MACROD2: variants seen among roughly 807,000 people sequenced by gnomAD.
The protein encoded by MACROD2 is ADP-ribose glycohydrolase MACROD2.
A neutral mutation model predicts 70.4 loss-of-function variants in MACROD2; 36 were observed. The observed-to-expected ratio is 0.51, with a 90% confidence interval of 0.39 to 0.68. The LOEUF is 0.68. Among genes scored for constraint, MACROD2 ranks in the 30% least tolerant of loss-of-function variants. The probability of loss-of-function intolerance (pLI) is 0.00; values close to 1 mark genes in which losing one functional copy is unlikely to be tolerated. For synonymous variants in MACROD2, 172 were observed against 178.8 expected (o/e 0.96, Z 0.30); for missense variants, 496 against 538.4 (o/e 0.92, Z 0.78).
intron 3 of MACROD2, among the ~76,000 whole-genome samples, chr20:14,269,305 T>C (rs553695060): frequency 7.9e-5 from 12 of 152,330 alleles, no homozygotes; most frequent in Middle Eastern, 3.4e-3. Context: ...AATGTAAGAA[T>C]ATCTCCAATT....
At chr20:15,271,237 T>C (rs1407638956) in intron 6 of MACROD2, among the ~76,000 whole-genome samples, 1 of 152,176 alleles carries the variant, frequency 6.6e-6, no homozygotes, top group Non-Finnish European at 1.5e-5. Context: ...CCCTTGTTCA[T>C]AGAAAGCATC....
At chr20:14,300,626 C>T (rs1408952654) in intron 3 of MACROD2, among the ~76,000 whole-genome samples, 1 of 152,180 alleles carries the variant, frequency 6.6e-6, no homozygotes. Flanking sequence ...CAGAGGTGGT[C>T]ACACCACCTA....
intron 8 of MACROD2, among the ~76,000 whole-genome samples, chr20:15,625,227 C>T (rs116639683): frequency 6.6e-6 from 1 of 152,130 alleles, no homozygotes; most frequent in Admixed American, 6.5e-5. Flanking sequence ...AGAGAAGCAT[C>T]CAAGTGTAGA....
chr20:14,639,676 T>G (rs534205065), intron 4 of MACROD2, among the ~76,000 whole-genome samples: 1 of 152,330 alleles, frequency 6.6e-6, no homozygotes, highest in East Asian at 1.9e-4. Context: ...CTAATTCTCT[T>G]GCAGTTCACA....
At chr20:14,154,356 T>A (rs1161249569) in intron 3 of MACROD2, among the ~76,000 whole-genome samples, 1 of 151,864 alleles carries the variant, frequency 6.6e-6, no homozygotes, top group East Asian at 1.9e-4. Flanking sequence ...CTGGAGTAGG[T>A]TCAGTATGTA....
At chr20:14,473,731 G>A (rs573221297) in intron 3 of MACROD2, among the ~76,000 whole-genome samples, 4 of 152,238 alleles carry the variant, frequency 2.6e-5, no homozygotes, top group South Asian at 2.1e-4. Flanking sequence ...CCATACTGTC[G>A]TCTATGATAG....
At chr20:14,606,965 T>C (rs1982846153) in intron 4 of MACROD2, among the ~76,000 whole-genome samples, 1 of 152,188 alleles carries the variant, frequency 6.6e-6, no homozygotes, top group African/African-American at 2.4e-5. Flanking sequence ...AAGGCACCCA[T>C]AGTCCTACAA....
At chr20:14,604,977 C>T (rs1469395477) in intron 4 of MACROD2, among the ~76,000 whole-genome samples, 1 of 152,182 alleles carries the variant, frequency 6.6e-6, no homozygotes, top group African/African-American at 2.4e-5. Flanking sequence ...AACATGCCTA[C>T]ATCACACTTA....
chr20:14,975,218 G>C (rs2074727824), intron 5 of MACROD2, among the ~76,000 whole-genome samples: 1 of 152,156 alleles, frequency 6.6e-6, no homozygotes, highest in African/African-American at 2.4e-5. Context: ...CCACTGATTA[G>C]AGGCTGGACA....
At chr20:14,179,589 G>A (rs1404327461) in intron 3 of MACROD2, among the ~76,000 whole-genome samples, 2 of 152,096 alleles carry the variant, frequency 1.3e-5, no homozygotes, top group Admixed American at 6.5e-5. Flanking sequence ...GAAACACAAA[G>A]ATGAGTAAGA....
Position 14,085,728 on chromosome 20 carries a change from G to A in MACROD2, c.271G>A (p.Ala91Thr), listed in dbSNP as rs1256648187. 2.7e-6 allele frequency: 4 copies of A among 1,488,964 alleles called. No homozygotes were observed. Among genetic ancestry groups the A allele is most frequent in the South Asian group, 1.5e-5 (1 of 67,466 alleles). 92.2% of individuals were successfully genotyped at this position (1,488,964 alleles called of 1,614,324 possible). Residue 91 changes from alanine (A) to threonine (T), a missense_variant and splice_region_variant, in exon 3 of 18, where the codon GCA becomes ACA. Ala to Thr is a moderately conservative substitution (Grantham distance 58, BLOSUM62 0). Transcript: ENST00000684519. ...AGAGGTAGATGCTATAGTCAATGCC[G>A]GTGAGTAGTTGATTTTCCTGTGATG... ...LLEVDAIVNA[A>T]NASLLGGGGV...
intron 3 of MACROD2, among the ~76,000 whole-genome samples, chr20:14,143,951 A>G (rs1326148400): frequency 6.6e-6 from 1 of 152,184 alleles, no homozygotes; most frequent in African/African-American, 2.4e-5. Flanking sequence ...TAATTAAGGT[A>G]ATCAAGCCTC....
intron 5 of MACROD2, among the ~76,000 whole-genome samples, chr20:14,984,622 T>G (rs1164552346): frequency 6.6e-6 from 1 of 152,058 alleles, no homozygotes; most frequent in African/African-American, 2.4e-5. Flanking sequence ...TAATAAATAG[T>G]AGTAAGTAAT....
At chr20:15,722,154 G>C (rs1194044504) in intron 8 of MACROD2, among the ~76,000 whole-genome samples, 7 of 152,238 alleles carry the variant, frequency 4.6e-5, no homozygotes, top group African/African-American at 1.7e-4. Flanking sequence ...TAGTCATTAA[G>C]GATAATTTCA....
intron 5 of MACROD2, among the ~76,000 whole-genome samples, chr20:15,159,513 C>T (rs1377777440): frequency 6.6e-6 from 1 of 151,982 alleles, no homozygotes; most frequent in Non-Finnish European, 1.5e-5. Flanking sequence ...GGGTAATCCA[C>T]TTTTTTTGGA....
At chr20:14,452,648 G>A (rs1179474747) in intron 3 of MACROD2, among the ~76,000 whole-genome samples, 1 of 152,126 alleles carries the variant, frequency 6.6e-6, no homozygotes, top group Non-Finnish European at 1.5e-5. Flanking sequence ...TGGAATGCAA[G>A]TGTAGCTCCC....
At chr20:15,349,483 G>A (rs943259651) in intron 6 of MACROD2, among the ~76,000 whole-genome samples, 7 of 152,216 alleles carry the variant, frequency 4.6e-5, no homozygotes, top group South Asian at 2.1e-4. Context: ...TGGGCCAGGC[G>A]TGGTGGCTCA....
At chr20:15,606,270 G>A (rs1001434433) in intron 8 of MACROD2, among the ~76,000 whole-genome samples, 1 of 152,074 alleles carries the variant, frequency 6.6e-6, no homozygotes, top group Non-Finnish European at 1.5e-5. Flanking sequence ...CTCTCGACTC[G>A]ACTTCTCTAG....
chr20:14,597,090 T>C (rs1412308110), intron 4 of MACROD2, among the ~76,000 whole-genome samples: 1 of 152,184 alleles, frequency 6.6e-6, no homozygotes, highest in Admixed American at 6.5e-5. Context: ...ACTTTTATTG[T>C]AGATAAAAGA....
Sources: gnomAD v4.1 joint callset for allele counts (sites outside exome capture counted in the v4.1 genomes callset) on GRCh38, gnomAD v4.1.1 for gene constraint, MANE v1.5 for transcripts, NCBI Gene and HGNC (gene_info 2026-07-23, HGNC 2026-07-21) for gene names.